CMKLR1: variants seen among roughly 807,000 people sequenced by gnomAD.
CMKLR1 encodes chemerin-like receptor 1.
Under a neutral mutation model 8.2 loss-of-function variants are expected in CMKLR1, and 6 were observed. The observed-to-expected ratio is 0.73, with a 90% CI of 0.40 to 1.44. CMKLR1 has a LOEUF of 1.44. CMKLR1 is among the 40% of genes most tolerant of loss of function. The pLI is 0.02. For missense variants in CMKLR1, 429 were observed against 478.0 expected, an observed-to-expected ratio of 0.90 and a Z score of 0.96; for synonymous variants, 178 against 181.2, an observed-to-expected ratio of 0.98 and a Z score of 0.14.
At chr12:108,331,378 C>T (rs1430195125) in intron 1 of CMKLR1, among the ~76,000 whole-genome samples, 1 of 152,162 alleles carries the variant, frequency 6.6e-6, no homozygotes. Context: ...TCACTGAATA[C>T]TCCCTGGTAA....
At chr12:108,295,744 G>T (rs745745005) in intron 2 of CMKLR1, among the ~76,000 whole-genome samples, 2 of 152,248 alleles carry the variant, frequency 1.3e-5, no homozygotes, top group African/African-American at 4.8e-5. Context: ...TGGGCTGGGT[G>T]TGTGAGTCCC....
At chr12:108,326,937 A>C (rs1466165187) in intron 2 of CMKLR1, among the ~76,000 whole-genome samples, 2 of 152,072 alleles carry the variant, frequency 1.3e-5, no homozygotes, top group Non-Finnish European at 2.9e-5. Flanking sequence ...TTTAATCCTC[A>C]CCACACAACT....
chr12:108,313,004 C>T (rs7961213), intron 2 of CMKLR1, among the ~76,000 whole-genome samples: 89,250 of 151,856 alleles, frequency 0.59, 26,544 homozygotes, highest in East Asian at 0.77. Context: ...CTGCCAGCCA[C>T]GAGCACAGAG....
Position 108,322,952 on chromosome 12 carries a change from G to T in CMKLR1, c.-74+7043C>A, listed in dbSNP as rs138253764. Among the ~76,000 whole-genome samples the T allele has an allele frequency of 2.4e-3, 370 of 152,232 alleles. 5 individuals carry two copies. The highest frequency in any genetic ancestry group is 8.2e-3 in the African/African-American group (341 of 41,518). On this transcript the variant is annotated intron_variant, in intron 2 of 3. Coordinates refer to ENST00000550402, the MANE Select transcript of CMKLR1 (RefSeq NM_001142343.2). Reference sequence around the variant, plus strand: ...AGGTGCATTCTCCCCCTGCAATCCAGCCTTGGATCTGGCAGCAGATACCTT... The same window carrying T: ...AGGTGCATTCTCCCCCTGCAATCCATCCTTGGATCTGGCAGCAGATACCTT...
chr12:108,295,072 C>T lies in CMKLR1; in HGVS notation c.-73-1408G>A, dbSNP rs1398814033. ...GGGTCTCCAAGGGTTTTCTATGGCA[C>T]TGGAATGCAGAGAGAAGATGGGGAC... On this transcript the variant is annotated intron_variant, in intron 2 of 3. Coordinates refer to ENST00000550402, the MANE Select transcript of CMKLR1 (RefSeq NM_001142343.2). Among the ~76,000 whole-genome samples, 3 of 152,192 alleles carry T rather than the reference C, an allele frequency of 2.0e-5. No homozygotes were observed. In the East Asian group the frequency reaches 5.8e-4, roughly 29 times the overall value.
rs200344687 is a variant in CMKLR1 at position 108,292,946 on chromosome 12, T to A, written c.17A>T (p.Glu6Val). Residue 6 changes from glutamate to valine, a missense_variant, in exon 4 of 4, where the codon GAA becomes GTA. Coordinates refer to ENST00000550402, the MANE Select transcript of CMKLR1 (RefSeq NM_001142343.2). The part of the protein sequence containing the change: MRMED[E>V]DYNTSISYGD... The stretch of plus-strand genomic sequence containing the variant: ...GTAACTGATGGAAGTGTTGTAATCT[T>A]CATCCTCCATTCTCTGCAAGAGAAG... The A allele has an allele frequency of 6.2e-7, 1 of 1,608,524 alleles. No individual in the cohort carries two copies. The highest frequency in any genetic ancestry group is 1.3e-5 in the African/African-American group (1 of 74,838).
chr12:108,297,418 T>G (rs1332421115), intron 2 of CMKLR1, among the ~76,000 whole-genome samples: 1 of 152,204 alleles, frequency 6.6e-6, no homozygotes, highest in Non-Finnish European at 1.5e-5. Context: ...AGTTAAATTT[T>G]GGGGGAGTCA....
intron 2 of CMKLR1, among the ~76,000 whole-genome samples, chr12:108,297,029 T>C (rs1331015003): frequency 6.6e-6 from 1 of 152,192 alleles, no homozygotes; most frequent in Non-Finnish European, 1.5e-5. Context: ...ACCAGGAAGC[T>C]TATGAAAAAA....
chr12:108,296,749 C>A (rs986096722), intron 2 of CMKLR1, among the ~76,000 whole-genome samples: 2 of 152,070 alleles, frequency 1.3e-5, no homozygotes, highest in Non-Finnish European at 2.9e-5. Flanking sequence ...TTGCTTGAAC[C>A]CAGGAGCGGA....
Position 108,315,821 on chromosome 12 carries a change from A to G in CMKLR1, c.-74+14174T>C, listed in dbSNP as rs140174361. ...GGTTTCAGCCAGGAAAGGACCACAG[A>G]ATGTCCAAATTTCAGAGTCAGCTTC... On this transcript the variant is annotated intron_variant, in intron 2 of 3. Transcript: ENST00000550402. 1.9e-4 allele frequency among the ~76,000 whole-genome samples: 29 copies of G among 152,318 alleles called. No homozygotes were observed. In the East Asian group the frequency reaches 5.4e-3, roughly 28 times the overall value.
chr12:108,293,459 A>C lies in CMKLR1; in HGVS notation c.3+130T>G, dbSNP rs572718241. ...GCTAAGTGCAATGAAGAAGAGGTACATGGTGCTGTGAACTTGATTCCAACA... is the reference window on the plus strand; with the variant it reads ...GCTAAGTGCAATGAAGAAGAGGTACCTGGTGCTGTGAACTTGATTCCAACA... On this transcript the variant is annotated intron_variant, in intron 3 of 3. Transcript: ENST00000550402. 16 of 883,568 alleles carry C rather than the reference A, an allele frequency of 1.8e-5. No homozygotes were observed. In the African/African-American group the frequency reaches 2.2e-4, roughly 12 times the overall value. 54.7% of individuals were successfully genotyped at this position (883,568 alleles called of 1,614,324 possible).
intron 2 of CMKLR1, among the ~76,000 whole-genome samples, chr12:108,304,914 C>A (rs967805317): frequency 4.6e-5 from 7 of 152,222 alleles, no homozygotes; most frequent in Non-Finnish European, 8.8e-5. Flanking sequence ...GGCCTGTGGG[C>A]GTAAGAGCCC....
chr12:108,326,815 C>T (rs201211202), intron 2 of CMKLR1, among the ~76,000 whole-genome samples: 10 of 152,220 alleles, frequency 6.6e-5, no homozygotes, highest in East Asian at 3.9e-4. Flanking sequence ...CCAAGGGCCT[C>T]GCATGCACCC....
At chr12:108,303,684 C>A (rs1447011130) in intron 2 of CMKLR1, among the ~76,000 whole-genome samples, 3 of 152,162 alleles carry the variant, frequency 2.0e-5, no homozygotes, top group Non-Finnish European at 4.4e-5. Context: ...CCCAGTGGAA[C>A]CTCCCAAGGG....
rs996595561 is a variant in CMKLR1 at position 108,339,014 on chromosome 12, T to A, written c.-287+13A>T. ...CCCCTCAGAAGACACCCAAGGCAAG[T>A]GTGTGATGATACCTTCCCTCTGGTC... On this transcript the variant is annotated intron_variant, in intron 1 of 3. Coordinates refer to ENST00000550402, the MANE Select transcript of CMKLR1 (RefSeq NM_001142343.2). The A allele has an allele frequency of 1.3e-5, 2 of 152,152 alleles. No homozygotes were observed. Among genetic ancestry groups the A allele is most frequent in the Non-Finnish European group, 2.9e-5 (2 of 68,036 alleles). The allele number at this position is 152,152 out of a possible 1,614,324, so 9.4% of individuals were successfully genotyped here.
At chr12:108,293,960 G>C (rs1422240958) in intron 2 of CMKLR1, among the ~76,000 whole-genome samples, 1 of 152,140 alleles carries the variant, frequency 6.6e-6, no homozygotes, top group Admixed American at 6.5e-5. Flanking sequence ...ATGAGTAAAG[G>C]AAGACACAGA....
chr12:108,312,777 A>G (rs1891618292), intron 2 of CMKLR1, among the ~76,000 whole-genome samples: 1 of 152,020 alleles, frequency 6.6e-6, no homozygotes, highest in Non-Finnish European at 1.5e-5. Context: ...GTGATCTCAT[A>G]TCAGTTGTCC....
chr12:108,333,225 C>G (rs1200864779), intron 1 of CMKLR1, among the ~76,000 whole-genome samples: 4 of 132,242 alleles, frequency 3.0e-5, no homozygotes, highest in Non-Finnish European at 5.3e-5. Context: ...TCTGAGGACC[C>G]ATGTCCTATA....
At chr12:108,299,607 T>C (rs1250110932) in intron 2 of CMKLR1, among the ~76,000 whole-genome samples, 1 of 152,070 alleles carries the variant, frequency 6.6e-6, no homozygotes, top group East Asian at 1.9e-4. Context: ...GATGAGATCA[T>C]CCGGGATTAG....
Sources: gnomAD v4.1 joint callset for allele counts (sites outside exome capture counted in the v4.1 genomes callset) on GRCh38, gnomAD v4.1.1 for gene constraint, MANE v1.5 for transcripts, NCBI Gene and HGNC (gene_info 2026-07-23, HGNC 2026-07-21) for gene names.